The following ZBTB37 variants were observed in gnomAD, a reference collection of about 807,000 sequenced individuals.
ZBTB37 encodes the protein zinc finger and BTB domain-containing protein 37.
Under a neutral mutation model 37.7 loss-of-function variants are expected in ZBTB37, and 15 were observed. That is an observed-to-expected ratio of 0.40 (90% confidence interval 0.27 to 0.61). The LOEUF is 0.61. ZBTB37 is among the 20% of genes least tolerant of loss of function. The probability of loss-of-function intolerance (pLI) is 0.44; values close to 1 mark genes in which losing one functional copy is unlikely to be tolerated. For missense variants in ZBTB37, 514 were observed against 641.9 expected, an observed-to-expected ratio of 0.80 and a Z score of 2.15; for synonymous variants, 231 against 220.6, an observed-to-expected ratio of 1.05 and a Z score of -0.42.
rs554902014 is a variant in ZBTB37 at position 173,874,203 on chromosome 1, C to T, written c.1023+637C>T. On this transcript the variant is annotated intron_variant, in intron 4 of 4. Coordinates refer to ENST00000427304, the Ensembl canonical transcript of ZBTB37. ...CCGGGAGGCGGAGGTTGCTGTGAGC[C>T]GAGATCACACCATTGCACTCCAGCC... 3.7e-4 allele frequency among the ~76,000 whole-genome samples: 51 copies of T among 137,190 alleles called. 1 individual carries two copies. The South Asian group carries it at 7.1e-3, about 19-fold the overall frequency. The allele number at this position is 137,190 out of a possible 152,430, so 90.0% of individuals were successfully genotyped here.
At chr1:173,872,120 G>A (rs1343969161) in intron 3 of ZBTB37, among the ~76,000 whole-genome samples, 1 of 152,162 alleles carries the variant, frequency 6.6e-6, no homozygotes, top group Non-Finnish European at 1.5e-5. Flanking sequence ...CCAGGCTGGA[G>A]TGCAGTGGTG....
chr1:173,883,703 CAAATA>C (rs1656461893), intron 4 of ZBTB37, among the ~76,000 whole-genome samples: 1 of 152,094 alleles, frequency 6.6e-6, no homozygotes, highest in African/African-American at 2.4e-5. Flanking sequence ...TAATATGAAA[CAAATA>C]AAATAATCTT....
intron 4 of ZBTB37, among the ~76,000 whole-genome samples, chr1:173,878,996 CAGG>C (rs1177659735): frequency 6.6e-6 from 1 of 150,434 alleles, no homozygotes; most frequent in Non-Finnish European, 1.5e-5. Context: ...GAGGCTGAGA[CAGG>C]AGAATCGTTT....
chr1:173,894,781 T>G (rs1656980443), exon 4 of ZBTB37: 1 of 152,256 alleles, frequency 6.6e-6, no homozygotes, highest in Admixed American at 6.5e-5. Flanking sequence ...TTGGGGCTAT[T>G]TTTAATGTGT....
intron 4 of ZBTB37, among the ~76,000 whole-genome samples, chr1:173,877,350 A>G (rs1429648950): frequency 6.6e-6 from 1 of 151,068 alleles, no homozygotes; most frequent in African/African-American, 2.4e-5. Flanking sequence ...CCACTTAAGG[A>G]AAGTGTTGTC....
exon 4 of ZBTB37, chr1:173,900,667 G>A (rs2102768674): frequency 6.6e-6 from 1 of 152,336 alleles, no homozygotes; most frequent in African/African-American, 2.4e-5. Flanking sequence ...GTAGGTCAAG[G>A]AGAAAGTTGG....
At chr1:173,879,948 C>CA (rs1557887663) in intron 4 of ZBTB37, among the ~76,000 whole-genome samples, 1 of 152,010 alleles carries the variant, frequency 6.6e-6, no homozygotes. Context: ...GAGACTGTCT[C>CA]AAAAAAGAAC....
exon 4 of ZBTB37, chr1:173,901,653 G>A (rs1465321744): frequency 6.6e-6 from 1 of 152,142 alleles, no homozygotes; most frequent in Non-Finnish European, 1.5e-5. Flanking sequence ...CTCCCACCTA[G>A]GACTCCTAAA....
At chr1:173,878,967 T>C (rs1376538283) in intron 4 of ZBTB37, among the ~76,000 whole-genome samples, 1 of 151,800 alleles carries the variant, frequency 6.6e-6, no homozygotes, top group African/African-American at 2.4e-5. Context: ...GGCGGGTGCC[T>C]GTAATCCCAG....
At chr1:173,879,091 CAA>C (rs35322065) in intron 4 of ZBTB37, among the ~76,000 whole-genome samples, 26 of 84,750 alleles carry the variant, frequency 3.1e-4, no homozygotes, top group Admixed American at 4.0e-4. Context: ...AACTCCATCT[CAA>C]AAAAAAAAAA....
chr1:173,888,119 A>G (rs1037471654), downstream of ZBTB37: 1 of 152,202 alleles, frequency 6.6e-6, no homozygotes, highest in African/African-American at 2.4e-5. Flanking sequence ...GAAGACATAG[A>G]CTGGTGCATC....
downstream of ZBTB37, chr1:173,888,115 A>G (rs1342310777): frequency 1.3e-5 from 2 of 152,220 alleles, no homozygotes; most frequent in African/African-American, 2.4e-5. Flanking sequence ...TTTAGAAGAC[A>G]TAGACTGGTG....
At chr1:173,877,284 A>G (rs950969048) in intron 4 of ZBTB37, among the ~76,000 whole-genome samples, 1 of 152,086 alleles carries the variant, frequency 6.6e-6, no homozygotes, top group Non-Finnish European at 1.5e-5. Flanking sequence ...AAACTTGAGT[A>G]ATAGTGTTGT....
chr1:173,900,280 G>A (rs1657206896), exon 4 of ZBTB37: 1 of 152,160 alleles, frequency 6.6e-6, no homozygotes. Context: ...TATATGAAAT[G>A]TGAAATGAGT....
chr1:173,897,784 A>T (rs1657105797), exon 4 of ZBTB37: 1 of 152,248 alleles, frequency 6.6e-6, no homozygotes, highest in Admixed American at 6.5e-5. Flanking sequence ...ACCTCTGAGC[A>T]CTTGGCTGAA....
chr1:173,871,266 G>A, intron 3 of ZBTB37, 118 bp downstream of exon 3: 2 of 1,027,806 alleles, frequency 1.9e-6, no homozygotes, highest in Non-Finnish European at 2.7e-6. Flanking sequence ...AAAATAAGTT[G>A]ATGATGGGGA....
chr1:173,881,671 A>G (rs1656315867), intron 4 of ZBTB37, among the ~76,000 whole-genome samples: 1 of 152,112 alleles, frequency 6.6e-6, no homozygotes, highest in Non-Finnish European at 1.5e-5. Flanking sequence ...ATGGTATCTC[A>G]TTGTGGTTTT....
rs548094496 is a variant in ZBTB37 at position 173,881,829 on chromosome 1, C to A, written c.1024-3807C>A. On this transcript the variant is annotated intron_variant, in intron 4 of 4. Coordinates refer to ENST00000427304, the Ensembl canonical transcript of ZBTB37. The stretch of plus-strand genomic sequence containing the variant: ...CAGCACTTTGGGAGGCCGAGGCGGG[C>A]GGATCACAAGGTCAGGAGATCAAGA... 3.9e-5 allele frequency among the ~76,000 whole-genome samples: 6 copies of A among 152,076 alleles called. No homozygotes were observed. In the East Asian group the frequency reaches 7.8e-4, roughly 20 times the overall value.
Position 173,883,783 on chromosome 1 carries a change from G to T in ZBTB37, c.1024-1853G>T, listed in dbSNP as rs1043767788. On this transcript the variant is annotated intron_variant, in intron 4 of 4. Coordinates refer to ENST00000427304, the Ensembl canonical transcript of ZBTB37. The stretch of plus-strand genomic sequence containing the variant: ...CTGCTTCCCAAACCTGTTGAGAACT[G>T]CCTCTATTGGAAAGGCTGAATAGCA... Among the ~76,000 whole-genome samples the T allele has an allele frequency of 3.3e-5, 5 of 152,242 alleles. No homozygotes were observed. The East Asian group carries it at 9.6e-4, about 29-fold the overall frequency.
Sources: gnomAD v4.1 joint callset for allele counts (sites outside exome capture counted in the v4.1 genomes callset) on GRCh38, gnomAD v4.1.1 for gene constraint, MANE v1.5 for transcripts, NCBI Gene and HGNC (gene_info 2026-07-23, HGNC 2026-07-21) for gene names.